SPTA1: variants seen among roughly 807,000 people sequenced by gnomAD.
The protein encoded by SPTA1 is spectrin alpha chain, erythrocytic 1.
SPTA1 carries 177 observed loss-of-function variants against 324.7 expected under a neutral mutation model. That is an observed-to-expected ratio of 0.55 (90% CI 0.48 to 0.62). SPTA1 has a LOEUF of 0.62. Ranked by LOEUF, SPTA1 falls within the 20% of genes least tolerant of loss-of-function variation. The pLI is 0.00. For synonymous variants in SPTA1, 1,195 were observed against 1,041.3 expected, an observed-to-expected ratio of 1.15 and a Z score of -2.84; for missense variants, 3,162 against 2,883.6, an observed-to-expected ratio of 1.10 and a Z score of -2.21.
chr1:158,662,262 GT>G (rs1653272878), intron 17 of SPTA1, among the ~76,000 whole-genome samples: 2 of 152,136 alleles, frequency 1.3e-5, no homozygotes, highest in Non-Finnish European at 2.9e-5. Flanking sequence ...TTCGACACTG[GT>G]GAACTAGCAG....
chr1:158,613,173 C>G (rs1649361441), intron 50 of SPTA1, among the ~76,000 whole-genome samples: 1 of 152,008 alleles, frequency 6.6e-6, no homozygotes, highest in African/African-American at 2.4e-5. Flanking sequence ...CCAAATATTA[C>G]TAAATATTAC....
In SPTA1 at chr1:158,637,964, T is replaced by C. The variant is rs1207806416; in HGVS notation, c.5189+69A>G. ...AGTACAAATTTCATTTCAGCATAAA[T>C]TGGAACAAGTTTGGTGGATTATCTA... On this transcript the variant is annotated intron_variant, in intron 36 of 51. Transcript: ENST00000643759. 6 of 1,528,566 alleles carry C rather than the reference T, an allele frequency of 3.9e-6. No individual in the cohort carries two copies. The East Asian group carries it at 9.0e-5, about 23-fold the overall frequency. 94.7% of individuals were successfully genotyped at this position (1,528,566 alleles called of 1,614,324 possible).
At chr1:158,622,925 T>A in intron 43 of SPTA1, 58 bp downstream of exon 43, 2 of 1,449,562 alleles carry the variant, frequency 1.4e-6, no homozygotes, top group Non-Finnish European at 1.9e-6. Flanking sequence ...TGTTTCCGAA[T>A]TTCATGGCTA....
At chr1:158,666,292 C>A (rs764117273) in intron 16 of SPTA1, 24 bp downstream of exon 16, 18 of 1,612,328 alleles carry the variant, frequency 1.1e-5, no homozygotes, top group Middle Eastern at 3.8e-4. Context: ...TTGCTTATGG[C>A]TGGCCAAAGA....
At chr1:158,654,184 TA>T (rs1324951485) in intron 21 of SPTA1, among the ~76,000 whole-genome samples, 2 of 152,198 alleles carry the variant, frequency 1.3e-5, no homozygotes, top group African/African-American at 4.8e-5. Context: ...GCACAAGATC[TA>T]AAGAAAATCA....
At chr1:158,620,679 G>A in intron 43 of SPTA1, 1 of 550,960 alleles carries the variant, frequency 1.8e-6, no homozygotes, top group Non-Finnish European at 3.2e-6. Flanking sequence ...CTCATTGTGT[G>A]AAATTGTTTA....
intron 43 of SPTA1, 149 bp from the exon 44 acceptor site, chr1:158,620,615 A>C: frequency 1.1e-6 from 1 of 903,338 alleles, no homozygotes; most frequent in Non-Finnish European, 1.7e-6. Context: ...GGGACTGTGT[A>C]CTTTGATGGT....
chr1:158,686,573 G>GAT lies in SPTA1; in HGVS notation c.-57_-56insAT. 1 of 1,414,500 alleles carries GAT rather than the reference G, an allele frequency of 7.1e-7. No homozygotes were observed. Among genetic ancestry groups the GAT allele is most frequent in the Non-Finnish European group, 1.0e-6 (1 of 999,934 alleles). 87.6% of individuals were successfully genotyped at this position (1,414,500 alleles called of 1,614,324 possible). A position where few individuals can be genotyped will look rare whatever the true frequency, so the allele number is the denominator to read the frequency against. ...AAAATGTGTCAGAGAGAGAGAGAGA[G>GAT]AGAAATAATTCAAATGGAACTGTCC... On this transcript the variant is annotated 5_prime_UTR_variant, in exon 1 of 52. It removes the in-frame stop codon of an upstream open reading frame in the 5' UTR. Transcript: ENST00000643759.
At position 158,648,667 on chromosome 1, in the gene SPTA1, G is replaced by C. The variant is rs1306859316; in HGVS notation, c.3570-14C>G. On this transcript the variant is annotated splice_polypyrimidine_tract_variant and intron_variant, in intron 25 of 51. Transcript: ENST00000643759. Reference sequence around the variant, plus strand: ...TCATCTGCTTCTCTGGTATACAAGAGAGTAGAGAGTTCAAAAGTAAGGATA... The same window carrying C: ...TCATCTGCTTCTCTGGTATACAAGACAGTAGAGAGTTCAAAAGTAAGGATA... The C allele has an allele frequency of 1.2e-6, 2 of 1,612,976 alleles. No individual in the cohort carries two copies. Among genetic ancestry groups the C allele is most frequent in the Non-Finnish European group, 1.7e-6 (2 of 1,179,720 alleles).
At chr1:158,637,932 A>T in intron 36 of SPTA1, 101 bp downstream of exon 36, 1 of 1,364,664 alleles carries the variant, frequency 7.3e-7, no homozygotes. Flanking sequence ...GCTATCTTCA[A>T]GAAACAAGTA....
chr1:158,662,926 G>A lies in SPTA1; in HGVS notation c.2240C>T (p.Thr747Ile). The A allele has an allele frequency of 6.2e-7, 1 of 1,614,052 alleles. No homozygotes were observed. Among genetic ancestry groups the A allele is most frequent in the Admixed American group, 1.7e-5 (1 of 60,018 alleles). Residue 747 changes from threonine (T) to isoleucine (I), a missense_variant, in exon 17 of 52, where the codon ACA becomes ATA. Physicochemically the swap from Thr to Ile is moderately conservative, Grantham distance 89. Transcript: ENST00000643759. ...TTCTTCAAAATATGCAGCCAGGTCT[G>A]TAAGGATATCCACCTGATCCTAAGG... Reference protein sequence around the residue: ...AARQDQVDILTDLAAYFEEIG... With the variant: ...AARQDQVDILIDLAAYFEEIG...
At chr1:158,662,290 C>T (rs1459240971) in intron 17 of SPTA1, among the ~76,000 whole-genome samples, 1 of 152,172 alleles carries the variant, frequency 6.6e-6, no homozygotes, top group African/African-American at 2.4e-5. Context: ...AAGGAAAGGA[C>T]AGTATGTGCT....
chr1:158,617,776 C>G (rs925086151), intron 46 of SPTA1, among the ~76,000 whole-genome samples, 188 bp from the exon 47 acceptor site: 1 of 152,168 alleles, frequency 6.6e-6, no homozygotes, highest in Non-Finnish European at 1.5e-5. Flanking sequence ...TTCCCTAGTT[C>G]TTCTCTGACT....
In SPTA1 at chr1:158,620,301, G is replaced by C. The variant is rs1649823776; in HGVS notation, c.6286C>G (p.Gln2096Glu). Residue 2096 changes from glutamine to glutamate, a missense_variant, in exon 44 of 52, where the codon CAA becomes GAA. By Grantham distance (29) the Gln-to-Glu change is conservative. Coordinates refer to ENST00000643759, the MANE Select transcript of SPTA1 (RefSeq NM_003126.4). ...EDFLASLARAQADFKCLLELD... is the reference protein window; with the variant it reads ...EDFLASLARAEADFKCLLELD... ...TCCAGCAAACATTTAAAGTCTGCTT[G>C]AGCCCTAGCCAGGGAGGCCAAGAAG... The C allele has an allele frequency of 6.2e-7, 1 of 1,613,958 alleles. No homozygotes were observed. The highest frequency in any genetic ancestry group is 1.3e-5 in the African/African-American group (1 of 74,910).
Position 158,680,620 on chromosome 1 carries a change from A to G in SPTA1, c.641T>C (p.Val214Ala). ...QVELVAKEGR[V>A]VEVNQYANEC... ...ATTGGCATATTGGTTCACTTCAACA[A>G]CTCTCCCTTCTTTAGCTACCAGCTC... Residue 214 changes from valine (V) to alanine (A), a missense_variant, in exon 5 of 52, where the codon GTT becomes GCT. Transcript: ENST00000643759. 4 of 1,613,622 alleles carry G rather than the reference A, an allele frequency of 2.5e-6. No individual in the cohort carries two copies. Among genetic ancestry groups the G allele is most frequent in the Non-Finnish European group, 3.4e-6 (4 of 1,179,810 alleles).
At chr1:158,617,885 G>T (rs191930635) in intron 46 of SPTA1, among the ~76,000 whole-genome samples, 154 bp downstream of exon 46, 28 of 152,282 alleles carry the variant, frequency 1.8e-4, no homozygotes, top group African/African-American at 6.3e-4. Context: ...AGGGCAGAAT[G>T]AAATATAATG....
At chr1:158,653,636 C>T (rs1056443781) in intron 21 of SPTA1, among the ~76,000 whole-genome samples, 2 of 152,088 alleles carry the variant, frequency 1.3e-5, no homozygotes, top group Non-Finnish European at 1.5e-5. Context: ...TAATCTGATA[C>T]CTAATGTTAG....
intron 27 of SPTA1, among the ~76,000 whole-genome samples, chr1:158,645,992 G>A (rs1291792410): frequency 2.0e-5 from 3 of 152,068 alleles, no homozygotes; most frequent in Non-Finnish European, 4.4e-5. Flanking sequence ...ACTTCTGTTG[G>A]TTACTGTTCC....
intron 33 of SPTA1, among the ~76,000 whole-genome samples, chr1:158,641,972 A>G (rs1398190319): frequency 1.3e-5 from 2 of 152,230 alleles, no homozygotes; most frequent in African/African-American, 4.8e-5. Flanking sequence ...ATGGAATTCT[A>G]TACAGCCATA....
Sources: allele counts gnomAD v4.1 joint callset (sites outside exome capture counted in the v4.1 genomes callset), GRCh38; gene constraint gnomAD v4.1.1; transcripts MANE v1.5; gene names NCBI Gene and HGNC (gene_info 2026-07-23, HGNC 2026-07-21).